RCSD1: variants seen among roughly 807,000 people sequenced by gnomAD.
RCSD1 encodes the protein RCSD domain containing 1, also known as capZ-interacting protein.
RCSD1 carries 26 observed loss-of-function variants against 42.5 expected under a neutral mutation model. The observed-to-expected ratio is 0.61, with a 90% CI of 0.45 to 0.85. RCSD1 has a LOEUF of 0.85. Among genes scored for constraint, RCSD1 ranks in the 40% least tolerant of loss-of-function variants. RCSD1 has a pLI of 0.00. For synonymous variants in RCSD1, 220 were observed against 212.2 expected (o/e 1.04, Z -0.32); for missense variants, 571 against 528.3 (o/e 1.08, Z -0.79).
At chr1:167,689,903 C>T (rs1356626531) in intron 3 of RCSD1, 146 bp from the exon 4 acceptor site, 29 of 708,666 alleles carry the variant, frequency 4.1e-5, no homozygotes, top group Non-Finnish European at 6.7e-5. Flanking sequence ...CGCCCAGGCC[C>T]TAATGAAGTA....
chr1:167,695,162 C>G (rs768345949), intron 5 of RCSD1, among the ~76,000 whole-genome samples: 2 of 152,224 alleles, frequency 1.3e-5, no homozygotes, highest in African/African-American at 4.8e-5. Context: ...TTGAGCCTGC[C>G]GGCTAGGGCC....
intron 1 of RCSD1, among the ~76,000 whole-genome samples, chr1:167,657,503 C>G (rs2102211449): frequency 6.6e-6 from 1 of 152,264 alleles, no homozygotes; most frequent in Non-Finnish European, 1.5e-5. Context: ...GCAAATTGAC[C>G]TAAATTTTGG....
intron 6 of RCSD1, among the ~76,000 whole-genome samples, chr1:167,699,113 C>T (rs916981232): frequency 1.3e-5 from 2 of 151,006 alleles, no homozygotes; most frequent in African/African-American, 2.5e-5. Context: ...GTAGTTCTGG[C>T]TTCCTGCTTC....
intron 1 of RCSD1, chr1:167,640,353 C>T (rs1269700070): frequency 6.6e-6 from 1 of 152,358 alleles, no homozygotes; most frequent in Non-Finnish European, 1.5e-5. Flanking sequence ...CTTGTGGCCA[C>T]ATCACTCCAG....
In RCSD1 at chr1:167,636,586, T is replaced by TTG. The variant is rs1553247446; in HGVS notation, c.6+6158_6+6159insGT. ...CATGCACTAGCTTCTTTTTGTTTTT[T>TTG]TTTGTTTGTTTGTTTGTTTTTAGAC... On this transcript the variant is annotated intron_variant, in intron 1 of 6. Transcript: ENST00000367854. 5.3e-5 allele frequency among the ~76,000 whole-genome samples: 8 copies of TTG among 152,194 alleles called. No individual in the cohort carries two copies. The South Asian group carries it at 6.2e-4, about 12-fold the overall frequency.
chr1:167,683,542 A>T (rs1376493452), intron 1 of RCSD1, among the ~76,000 whole-genome samples: 16 of 152,218 alleles, frequency 1.1e-4, no homozygotes, highest in Non-Finnish European at 1.2e-4. Context: ...ACCCTTGTTC[A>T]GGAGGTAAGG....
chr1:167,657,187 G>T (rs988828025), intron 1 of RCSD1, among the ~76,000 whole-genome samples: 37 of 152,292 alleles, frequency 2.4e-4, no homozygotes, highest in African/African-American at 6.7e-4. Context: ...TGTCCTGCTG[G>T]TTTTTTTCGA....
chr1:167,659,977 G>A (rs1327001750), intron 1 of RCSD1, among the ~76,000 whole-genome samples: 16 of 152,130 alleles, frequency 1.1e-4, no homozygotes, highest in East Asian at 1.9e-4. Flanking sequence ...GGCTGCCCAC[G>A]TGCCTCTTTT....
In RCSD1 at chr1:167,683,889, C is replaced by T. The variant is rs752757776; in HGVS notation, c.7-11C>T. 3.1e-6 allele frequency: 5 copies of T among 1,612,788 alleles called. No homozygotes were observed. Among genetic ancestry groups the T allele is most frequent in the Non-Finnish European group, 4.2e-6 (5 of 1,179,378 alleles). On this transcript the variant is annotated splice_polypyrimidine_tract_variant and intron_variant, in intron 1 of 6. Transcript: ENST00000367854. The stretch of plus-strand genomic sequence containing the variant: ...TTGCTGATTAACTGTTTCTTCTTCT[C>T]CATTTGCCAGGAAAGACCGGCAGAG...
At chr1:167,684,112 G>T in intron 2 of RCSD1, 111 bp downstream of exon 2, 1 of 828,870 alleles carries the variant, frequency 1.2e-6, no homozygotes, top group Non-Finnish European at 1.9e-6. Flanking sequence ...ACCAAATTAG[G>T]AAGAGAAGCC....
At chr1:167,664,603 T>A (rs974594952) in intron 1 of RCSD1, 1 of 152,208 alleles carries the variant, frequency 6.6e-6, no homozygotes, top group African/African-American at 2.4e-5. Flanking sequence ...TAGACCATGA[T>A]CAAGGTATAG....
Position 167,686,352 on chromosome 1 carries a change from G to A in RCSD1, c.198+842G>A, listed in dbSNP as rs182676942. 8.9e-4 allele frequency among the ~76,000 whole-genome samples: 136 copies of A among 152,268 alleles called. 1 individual carries two copies. The highest frequency in any genetic ancestry group is 3.2e-3 in the African/African-American group (132 of 41,538). On this transcript the variant is annotated intron_variant, in intron 3 of 6. Coordinates refer to ENST00000367854, the MANE Select transcript of RCSD1 (RefSeq NM_052862.4). Reference sequence around the variant, plus strand: ...CTTCTTTTTTGGGGACCAGCATCCTGACAATAGCCATTAGGTGCCCTATGT... The same window carrying A: ...CTTCTTTTTTGGGGACCAGCATCCTAACAATAGCCATTAGGTGCCCTATGT...
intron 1 of RCSD1, among the ~76,000 whole-genome samples, chr1:167,675,384 A>C (rs558127021): frequency 6.6e-6 from 1 of 152,166 alleles, no homozygotes; most frequent in African/African-American, 2.4e-5. Context: ...TTTGCAGGGG[A>C]ACTCCCCTTT....
At chr1:167,652,226 T>G (rs1039502949) in intron 1 of RCSD1, among the ~76,000 whole-genome samples, 10 of 152,108 alleles carry the variant, frequency 6.6e-5, no homozygotes, top group Non-Finnish European at 1.5e-4. Context: ...TTCACCATGT[T>G]GGCCAGAGTG....
At chr1:167,658,722 T>C (rs976273618) in intron 1 of RCSD1, among the ~76,000 whole-genome samples, 2 of 152,180 alleles carry the variant, frequency 1.3e-5, no homozygotes, top group Admixed American at 6.5e-5. Context: ...TGAGTCACCA[T>C]GCCTGGCCTA....
chr1:167,645,000 A>G (rs548180735), intron 1 of RCSD1, among the ~76,000 whole-genome samples: 1 of 152,344 alleles, frequency 6.6e-6, no homozygotes, highest in African/African-American at 2.4e-5. Flanking sequence ...TATTTTGATT[A>G]AGGACCCCAG....
chr1:167,689,074 T>C (rs1452281354), intron 3 of RCSD1, among the ~76,000 whole-genome samples: 2 of 152,196 alleles, frequency 1.3e-5, no homozygotes, highest in African/African-American at 4.8e-5. Flanking sequence ...CGTATGATTA[T>C]GTAACACATG....
At chr1:167,647,695 T>C (rs893800635) in intron 1 of RCSD1, among the ~76,000 whole-genome samples, 4 of 152,182 alleles carry the variant, frequency 2.6e-5, no homozygotes, top group Non-Finnish European at 4.4e-5. Context: ...GCTGTGATCA[T>C]ACCACTGCAC....
intron 6 of RCSD1, among the ~76,000 whole-genome samples, chr1:167,703,489 A>G (rs1427272453): frequency 6.6e-6 from 1 of 152,172 alleles, no homozygotes; most frequent in African/African-American, 2.4e-5. Flanking sequence ...CCCCATCTCT[A>G]TGATGATACC....
Sources: gnomAD v4.1 joint callset for allele counts (sites outside exome capture counted in the v4.1 genomes callset) on GRCh38, gnomAD v4.1.1 for gene constraint, MANE v1.5 for transcripts, NCBI Gene and HGNC (gene_info 2026-07-23, HGNC 2026-07-21) for gene names.